The following PTPRM variants were observed in gnomAD, a reference collection of about 807,000 sequenced individuals.
The protein encoded by PTPRM is receptor-type tyrosine-protein phosphatase mu.
A neutral mutation model predicts 186.7 loss-of-function variants in PTPRM; 47 were observed. The observed-to-expected ratio is 0.25, with a 90% CI of 0.20 to 0.32. The LOEUF (loss-of-function observed/expected upper bound fraction) is 0.32. Among genes scored for constraint, PTPRM ranks in the 10% least tolerant of loss-of-function variants. The probability of loss-of-function intolerance (pLI) is 1.00; values close to 1 mark genes in which losing one functional copy is unlikely to be tolerated. For missense variants in PTPRM, 1,494 were observed against 1,865.0 expected, an observed-to-expected ratio of 0.80 and a Z score of 3.66; for synonymous variants, 668 against 674.9, an observed-to-expected ratio of 0.99 and a Z score of 0.16.
chr18:8,388,212 G>A (rs2095790538), intron 31 of PTPRM, among the ~76,000 whole-genome samples: 1 of 152,210 alleles, frequency 6.6e-6, no homozygotes, highest in African/African-American at 2.4e-5. Flanking sequence ...GGCAGATAAG[G>A]AAGATGTTTA....
At chr18:8,339,399 GCAAA>G (rs2044552007) in intron 22 of PTPRM, among the ~76,000 whole-genome samples, 1 of 152,052 alleles carries the variant, frequency 6.6e-6, no homozygotes, top group Admixed American at 6.5e-5. Flanking sequence ...TGCCTATTGT[GCAAA>G]CATCTGTAAA....
At chr18:7,581,664 T>G (rs773985240) in intron 1 of PTPRM, among the ~76,000 whole-genome samples, 16 of 151,688 alleles carry the variant, frequency 1.1e-4, no homozygotes, top group Non-Finnish European at 2.4e-4. Context: ...TACTTTTTTT[T>G]TTTTTTTTTG....
At chr18:8,404,544 T>G (rs758820096) in intron 32 of PTPRM, 2 of 152,250 alleles carry the variant, frequency 1.3e-5, no homozygotes, top group Non-Finnish European at 2.9e-5. Context: ...TAGGTTGGAC[T>G]ACTAGGGTAT....
At chr18:7,706,803 C>T (rs2040104061) in intron 1 of PTPRM, among the ~76,000 whole-genome samples, 1 of 151,906 alleles carries the variant, frequency 6.6e-6, no homozygotes, top group Admixed American at 6.6e-5. Flanking sequence ...CTTAAATATA[C>T]TATAAATATT....
At chr18:8,173,231 C>T (rs2093430729) in intron 14 of PTPRM, among the ~76,000 whole-genome samples, 1 of 152,112 alleles carries the variant, frequency 6.6e-6, no homozygotes, top group South Asian at 2.1e-4. Context: ...GGAAAACTGG[C>T]TTTCAGTTGG....
chr18:8,202,470 C>T (rs967712467), intron 14 of PTPRM, among the ~76,000 whole-genome samples: 2 of 152,098 alleles, frequency 1.3e-5, no homozygotes, highest in African/African-American at 4.8e-5. Context: ...TACTTTTTGC[C>T]TATGGCATGC....
At chr18:7,715,176 A>T (rs2040299727) in intron 1 of PTPRM, among the ~76,000 whole-genome samples, 1 of 152,248 alleles carries the variant, frequency 6.6e-6, no homozygotes, top group African/African-American at 2.4e-5. Context: ...AGTCAGCTTC[A>T]TCCATGGGTT....
At chr18:7,923,354 C>T (rs1334112434) in intron 4 of PTPRM, among the ~76,000 whole-genome samples, 1 of 152,150 alleles carries the variant, frequency 6.6e-6, no homozygotes, top group Non-Finnish European at 1.5e-5. Flanking sequence ...TAACTTCAGC[C>T]TTTAACACTC....
At chr18:8,027,864 C>T (rs555318671) in intron 7 of PTPRM, among the ~76,000 whole-genome samples, 3 of 152,274 alleles carry the variant, frequency 2.0e-5, no homozygotes, top group East Asian at 1.9e-4. Context: ...TATCTGTTAG[C>T]GATTTCTTCC....
At chr18:7,758,780 T>C (rs1020324928) in intron 1 of PTPRM, among the ~76,000 whole-genome samples, 15 of 152,170 alleles carry the variant, frequency 9.9e-5, no homozygotes, top group African/African-American at 3.6e-4. Context: ...TTATAGAGCA[T>C]ATGGAGAAAA....
At chr18:7,869,289 G>T (rs919904069) in intron 2 of PTPRM, among the ~76,000 whole-genome samples, 1 of 152,170 alleles carries the variant, frequency 6.6e-6, no homozygotes, top group African/African-American at 2.4e-5. Flanking sequence ...CCAAACAGCT[G>T]CCCAATTTTG....
intron 19 of PTPRM, among the ~76,000 whole-genome samples, chr18:8,272,433 T>C (rs1020154452): frequency 3.3e-5 from 5 of 152,062 alleles, no homozygotes; most frequent in African/African-American, 9.7e-5. Flanking sequence ...AGAGTATTGA[T>C]TTTTCCTCTA....
intron 1 of PTPRM, among the ~76,000 whole-genome samples, chr18:7,748,124 G>T (rs560330319): frequency 6.6e-6 from 1 of 152,308 alleles, no homozygotes; most frequent in South Asian, 2.1e-4. Context: ...GTGTGGCCAG[G>T]TGTGGGCTGT....
chr18:8,313,587 T>G (rs1601762908), intron 20 of PTPRM, among the ~76,000 whole-genome samples: 7 of 152,032 alleles, frequency 4.6e-5, no homozygotes, highest in Admixed American at 4.6e-4. Context: ...TTTTTTTTAA[T>G]TTTTAGTTTT....
rs191614943 is a variant in PTPRM, at chr18:8,127,092, G to A, written c.2167+12265G>A. 1.6e-3 allele frequency among the ~76,000 whole-genome samples: 251 copies of A among 152,150 alleles called. 1 individual carries two copies. The highest frequency in any genetic ancestry group is 3.2e-3 in the Non-Finnish European group (215 of 67,984). ...AAGCCACACTAGAAACATTGGAGAAGAGATGAAAAAGGCCAAAAGACCAAA... is the reference window on the plus strand; with the variant it reads ...AAGCCACACTAGAAACATTGGAGAAAAGATGAAAAAGGCCAAAAGACCAAA... On this transcript the variant is annotated intron_variant, in intron 13 of 32. Transcript: ENST00000580170.
intron 20 of PTPRM, among the ~76,000 whole-genome samples, chr18:8,300,686 C>A (rs148891011): frequency 0.01 from 1,524 of 152,232 alleles, 11 homozygotes; most frequent in Non-Finnish European, 0.015. Flanking sequence ...CCCATGACCT[C>A]TGGGGCTACG....
chr18:7,780,918 A>C (rs975933976), intron 2 of PTPRM, among the ~76,000 whole-genome samples: 13 of 152,082 alleles, frequency 8.5e-5, no homozygotes, highest in African/African-American at 3.1e-4. Context: ...GCTCTGCTGG[A>C]GCTAGGGGTG....
chr18:8,202,170 A>G (rs1211244620), intron 14 of PTPRM, among the ~76,000 whole-genome samples: 1 of 152,190 alleles, frequency 6.6e-6, no homozygotes, highest in Non-Finnish European at 1.5e-5. Context: ...CAGAGCTTCC[A>G]GTTTCTCAGA....
At chr18:8,377,509 G>A (rs2095704098) in intron 26 of PTPRM, 1 of 152,002 alleles carries the variant, frequency 6.6e-6, no homozygotes, top group South Asian at 2.1e-4. Flanking sequence ...CCATTTTCAG[G>A]TGTTGTTTAC....
Sources: gnomAD v4.1 joint callset for allele counts (sites outside exome capture counted in the v4.1 genomes callset) on GRCh38, gnomAD v4.1.1 for gene constraint, MANE v1.5 for transcripts, NCBI Gene and HGNC (gene_info 2026-07-23, HGNC 2026-07-21) for gene names.